The following EVC2 variants were observed in gnomAD, a reference collection of about 807,000 sequenced individuals.
EVC2 encodes the protein limbin.
A neutral mutation model predicts 149.3 loss-of-function variants in EVC2; 148 were observed. The ratio of observed to expected loss-of-function variants is 0.99; its 90% confidence interval spans 0.87 to 1.14. The LOEUF (loss-of-function observed/expected upper bound fraction) is 1.14, where lower values mean the gene tolerates loss of function less well. EVC2 is among the 50% of genes most tolerant of loss of function. The probability of loss-of-function intolerance (pLI) is 0.00; values close to 1 mark genes in which losing one functional copy is unlikely to be tolerated. For missense variants in EVC2, 1,854 were observed against 1,627.3 expected, an observed-to-expected ratio of 1.14 and a Z score of -2.40; for synonymous variants, 776 against 649.9, an observed-to-expected ratio of 1.19 and a Z score of -2.95.
chr4:5,701,590 G>A (rs982505002), intron 1 of EVC2, among the ~76,000 whole-genome samples: 8 of 152,234 alleles, frequency 5.3e-5, no homozygotes, highest in Non-Finnish European at 8.8e-5. Context: ...CTTTCCAGTC[G>A]AGAGTTCCTC....
chr4:5,547,554 T>A (rs1406964355), intron 21 of EVC2, among the ~76,000 whole-genome samples: 1 of 152,008 alleles, frequency 6.6e-6, no homozygotes, highest in Non-Finnish European at 1.5e-5. Context: ...ATACACTTCC[T>A]CCCCTCTGAA....
At chr4:5,676,115 G>A (rs867264444) in intron 7 of EVC2, among the ~76,000 whole-genome samples, 3 of 152,142 alleles carry the variant, frequency 2.0e-5, no homozygotes, top group Admixed American at 1.3e-4. Flanking sequence ...ATGGGCACAT[G>A]TGATGAACAC....
chr4:5,614,808 T>A lies in EVC2; in HGVS notation c.2829+614A>T, dbSNP rs1715112960. On this transcript the variant is annotated intron_variant, in intron 16 of 21. Transcript: ENST00000344408. The surrounding 1 kb of genome is among the most constrained non-coding windows in gnomAD (Gnocchi z 4.7). ...ATCTGGCCAACATGGTGAAACCACA[T>A]GTCTACTAAAAATACAAAAATTAGC... Among the ~76,000 whole-genome samples the A allele has an allele frequency of 6.8e-6, 1 of 146,264 alleles. No individual in the cohort carries two copies. Among genetic ancestry groups the A allele is most frequent in the African/African-American group, 2.6e-5 (1 of 38,134 alleles).
At chr4:5,660,212 C>T (rs1718789020) in intron 9 of EVC2, among the ~76,000 whole-genome samples, 1 of 152,182 alleles carries the variant, frequency 6.6e-6, no homozygotes, top group Non-Finnish European at 1.5e-5. Flanking sequence ...CTCTGGCACC[C>T]AGAAATGGAT....
chr4:5,629,394 A>C (rs1716363322), intron 11 of EVC2, among the ~76,000 whole-genome samples: 1 of 152,206 alleles, frequency 6.6e-6, no homozygotes, highest in African/African-American at 2.4e-5. Context: ...CTGAGCAGGG[A>C]TTTGAACTCA....
chr4:5,665,380 GC>G, intron 8 of EVC2, 134 bp downstream of exon 8: 2 of 1,326,452 alleles, frequency 1.5e-6, no homozygotes, highest in Non-Finnish European at 2.1e-6. Flanking sequence ...TTGGAGGTGG[GC>G]CCTGGGCATG....
chr4:5,629,325 G>A (rs1716358893), intron 11 of EVC2, among the ~76,000 whole-genome samples: 1 of 152,216 alleles, frequency 6.6e-6, no homozygotes, highest in South Asian at 2.1e-4. Flanking sequence ...AACCTAGGGA[G>A]ACAGTACTAT....
chr4:5,580,673 C>T (rs1478813647), intron 17 of EVC2, among the ~76,000 whole-genome samples: 2 of 152,220 alleles, frequency 1.3e-5, no homozygotes, highest in East Asian at 1.9e-4. Context: ...TCCGCCTCCA[C>T]GCTAATCACC....
chr4:5,616,004 G>C (rs1444874462), intron 15 of EVC2, among the ~76,000 whole-genome samples: 1 of 152,212 alleles, frequency 6.6e-6, no homozygotes, highest in African/African-American at 2.4e-5. Context: ...TGGCGGACAG[G>C]ACCTGGAAGC....
Position 5,596,464 on chromosome 4 carries a change from T to A in EVC2, c.2830-11614A>T, listed in dbSNP as rs528596630. Among the ~76,000 whole-genome samples the A allele has an allele frequency of 2.1e-3, 325 of 152,258 alleles. 2 individuals are homozygous for A. Among genetic ancestry groups the A allele is most frequent in the African/African-American group, 7.5e-3 (310 of 41,528 alleles). On this transcript the variant is annotated intron_variant, in intron 16 of 21. Coordinates refer to ENST00000344408, the MANE Select transcript of EVC2 (RefSeq NM_147127.5). Reference sequence around the variant, plus strand: ...GGAAACTGAACAACCTGCTCCTGAATGACTACTGGGTACATAACAAAATGA... The same window carrying A: ...GGAAACTGAACAACCTGCTCCTGAAAGACTACTGGGTACATAACAAAATGA...
intron 16 of EVC2, among the ~76,000 whole-genome samples, chr4:5,605,703 G>A (rs565022854): frequency 1.0e-3 from 156 of 152,338 alleles, no homozygotes; most frequent in African/African-American, 3.5e-3. Flanking sequence ...GGCATTTTGA[G>A]TGACAGCCTT....
chr4:5,575,036 C>T (rs956435750), intron 18 of EVC2, among the ~76,000 whole-genome samples: 2 of 152,158 alleles, frequency 1.3e-5, no homozygotes, highest in African/African-American at 4.8e-5. Context: ...TTTCCTATGG[C>T]TTTACAGGGT....
rs1424552940 is a variant in EVC2 at position 5,636,289 on chromosome 4, T to C, written c.1470+4225A>G. Among the ~76,000 whole-genome samples the C allele has an allele frequency of 6.6e-6, 1 of 152,212 alleles. No homozygotes were observed. Among genetic ancestry groups the C allele is most frequent in the African/African-American group, 2.4e-5 (1 of 41,456 alleles). On this transcript the variant is annotated intron_variant, in intron 10 of 21. Coordinates refer to ENST00000344408, the MANE Select transcript of EVC2 (RefSeq NM_147127.5). This position sits in a 1 kb window ranked among gnomAD's most constrained non-coding sequence, Gnocchi z 4.6. ...AAATGCTTTGAGAACTATAAGGCAT[T>C]ATATACGCATTTAAATATTATAGTA...
rs146658261 is a variant in EVC2 at position 5,689,332 on chromosome 4, C to A, written c.531G>T (p.Ser177=). 1.2e-6 allele frequency: 2 copies of A among 1,613,966 alleles called. No individual in the cohort carries two copies. The highest frequency in any genetic ancestry group is 1.7e-6 in the Non-Finnish European group (2 of 1,180,040). ...ATATGCGGGCTGTCTGTGCTTCACT[C>A]GACCCAGACACCTAGGGCAGAAGGA... The part of the protein sequence containing the change: ...IFQKCALVSG[S]SEAQTARIWL... The change falls in exon 5 of 22, where the codon TCG becomes TCT. Residue 177 remains serine (S), a synonymous_variant. Coordinates refer to ENST00000344408, the MANE Select transcript of EVC2 (RefSeq NM_147127.5).
At position 5,562,737 on chromosome 4, in the gene EVC2, G is replaced by GCA. The variant is rs1200046557; in HGVS notation, c.*109_*110dup. 8 of 1,593,768 alleles carry GCA rather than the reference G, an allele frequency of 5.0e-6. No individual in the cohort carries two copies. In the East Asian group the frequency reaches 1.8e-4, roughly 36 times the overall value. Reference sequence around the variant, plus strand: ...ATGCGCTACGGGGTCTGTGCCTTCTGCATGTGCAATTTATATTTGCGAGTT... The same window carrying GCA: ...ATGCGCTACGGGGTCTGTGCCTTCTGCACATGTGCAATTTATATTTGCGAGTT... On this transcript the variant is annotated 3_prime_UTR_variant, in exon 22 of 22. Transcript: ENST00000344408. This position sits in a 1 kb window ranked among gnomAD's most constrained non-coding sequence, Gnocchi z 4.3.
At position 5,640,473 on chromosome 4, in the gene EVC2, G is replaced by C. The variant is rs369121279; in HGVS notation, c.1470+41C>G. The C allele has an allele frequency of 2.3e-4, 375 of 1,609,276 alleles. No individual in the cohort carries two copies. The highest frequency in any genetic ancestry group is 1.3e-3 in the Middle Eastern group (8 of 6,042). ...AGATGGATAAATGACAAATCCCTGA[G>C]AGAAAGGGAAGTGAACGCCTTCCTT... On this transcript the variant is annotated intron_variant, in intron 10 of 21. Transcript: ENST00000344408. The surrounding 1 kb of genome is among the most constrained non-coding windows in gnomAD (Gnocchi z 4.6).
At chr4:5,674,768 C>CTATTCA (rs2151717476) in intron 7 of EVC2, among the ~76,000 whole-genome samples, 1 of 152,242 alleles carries the variant, frequency 6.6e-6, no homozygotes, top group Non-Finnish European at 1.5e-5. Flanking sequence ...ATGGAGGCCC[C>CTATTCA]TCAAGAATAG....
chr4:5,571,131 C>G lies in EVC2; in HGVS notation c.3361-2491G>C, dbSNP rs535812046. Among the ~76,000 whole-genome samples the G allele has an allele frequency of 3.1e-3, 478 of 151,886 alleles. 5 individuals are homozygous for G. Among genetic ancestry groups the G allele is most frequent in the African/African-American group, 0.011 (457 of 41,432 alleles). On this transcript the variant is annotated intron_variant, in intron 19 of 21. Coordinates refer to ENST00000344408, the MANE Select transcript of EVC2 (RefSeq NM_147127.5). The stretch of plus-strand genomic sequence containing the variant: ...AGGAGTTTGAGACCAGTCTGGCCAA[C>G]GTGGTGAAACCCCGTCTCTACTGAA...
intron 14 of EVC2, among the ~76,000 whole-genome samples, chr4:5,621,542 G>A (rs1315822606): frequency 6.6e-6 from 1 of 152,152 alleles, no homozygotes; most frequent in African/African-American, 2.4e-5. Flanking sequence ...TTTCCAATCT[G>A]TTGCCAGCCC....
Sources: gnomAD v4.1 joint callset for allele counts (sites outside exome capture counted in the v4.1 genomes callset) on GRCh38, gnomAD v4.1.1 for gene constraint, Gnocchi (gnomAD v3.1) non-coding constraint, MANE v1.5 for transcripts, NCBI Gene and HGNC (gene_info 2026-07-23, HGNC 2026-07-21) for gene names.